GFRA1: variants seen among roughly 807,000 people sequenced by gnomAD.
GFRA1 encodes GDNF family receptor alpha-1.
Under a neutral mutation model 51.6 loss-of-function variants are expected in GFRA1, and 16 were observed. That is an observed-to-expected ratio of 0.31 (90% CI 0.21 to 0.47). The LOEUF is 0.47. Ranked by LOEUF, GFRA1 falls within the 20% of genes least tolerant of loss-of-function variation. GFRA1 has a pLI of 1.00. For synonymous variants in GFRA1, 270 were observed against 241.3 expected (o/e 1.12, Z -1.10); for missense variants, 530 against 594.3 (o/e 0.89, Z 1.13).
intron 6 of GFRA1, among the ~76,000 whole-genome samples, chr10:116,098,356 A>G (rs1178713281): frequency 6.6e-6 from 1 of 152,230 alleles, no homozygotes; most frequent in Non-Finnish European, 1.5e-5. Context: ...AATTGAACAC[A>G]CTGAAAGATA....
intron 6 of GFRA1, among the ~76,000 whole-genome samples, chr10:116,120,895 G>A (rs1316349278): frequency 6.6e-6 from 1 of 152,146 alleles, no homozygotes; most frequent in African/African-American, 2.4e-5. Flanking sequence ...TCTCAACAGC[G>A]ACCCCATGTG....
chr10:116,064,314 G>C lies in GFRA1; in HGVS notation c.*84C>G, dbSNP rs1422048147. 1.6e-6 allele frequency: 2 copies of C among 1,247,788 alleles called. No homozygotes were observed. Among genetic ancestry groups the C allele is most frequent in the Non-Finnish European group, 2.3e-6 (2 of 863,640 alleles). The allele number at this position is 1,247,788 out of a possible 1,614,324, so 77.3% of individuals were successfully genotyped here. On this transcript the variant is annotated 3_prime_UTR_variant, in exon 11 of 11. Coordinates refer to ENST00000355422, the MANE Select transcript of GFRA1 (RefSeq NM_005264.8). ...GTTTCTCAACTGAGCTCCTAAACTGGAATTTCAGCTATACAAGAGAACAGG... is the reference window on the plus strand; with the variant it reads ...GTTTCTCAACTGAGCTCCTAAACTGCAATTTCAGCTATACAAGAGAACAGG...
At chr10:116,069,926 G>A (rs973301186) in intron 9 of GFRA1, among the ~76,000 whole-genome samples, 4 of 152,148 alleles carry the variant, frequency 2.6e-5, no homozygotes, top group Non-Finnish European at 4.4e-5. Flanking sequence ...GCACTCGCCC[G>A]GAGCCTGGCC....
chr10:116,196,735 TACTATATATAA>T (rs1963891943), intron 5 of GFRA1, among the ~76,000 whole-genome samples: 1 of 100,054 alleles, frequency 1.0e-5, no homozygotes, highest in South Asian at 3.0e-4. Context: ...TAATATATAA[TACTATATATAA>T]TATATATTAT....
At chr10:116,167,250 A>G (rs1341921469) in intron 5 of GFRA1, among the ~76,000 whole-genome samples, 1 of 152,118 alleles carries the variant, frequency 6.6e-6, no homozygotes, top group Non-Finnish European at 1.5e-5. Context: ...CCAAATGAAT[A>G]CTTCCCAGGA....
chr10:116,077,756 A>C (rs562545645), intron 9 of GFRA1, among the ~76,000 whole-genome samples: 1 of 152,352 alleles, frequency 6.6e-6, no homozygotes, highest in East Asian at 1.9e-4. Context: ...GCAATATGAT[A>C]ACAGCTGCTT....
intron 5 of GFRA1, among the ~76,000 whole-genome samples, chr10:116,163,403 A>G (rs1249892593): frequency 6.6e-6 from 1 of 152,206 alleles, no homozygotes; most frequent in Non-Finnish European, 1.5e-5. Flanking sequence ...CCCATTGAAT[A>G]TGTTGTTGGG....
intron 9 of GFRA1, among the ~76,000 whole-genome samples, chr10:116,070,118 C>T (rs2133789930): frequency 6.6e-6 from 1 of 152,326 alleles, no homozygotes; most frequent in East Asian, 1.9e-4. Context: ...TAGCAACAGA[C>T]TGTCCAGTCT....
At chr10:116,224,110 G>A (rs558930177) in intron 4 of GFRA1, among the ~76,000 whole-genome samples, 2 of 152,132 alleles carry the variant, frequency 1.3e-5, no homozygotes, top group African/African-American at 2.4e-5. Context: ...ATAAGTCTCT[G>A]TTCTTTGTAA....
At chr10:116,101,618 T>C (rs547561732) in intron 6 of GFRA1, among the ~76,000 whole-genome samples, 1 of 152,330 alleles carries the variant, frequency 6.6e-6, no homozygotes, top group Admixed American at 6.5e-5. Flanking sequence ...GAGAAAATTA[T>C]TTACCTACTT....
At chr10:116,237,993 G>A (rs1212747228) in intron 4 of GFRA1, among the ~76,000 whole-genome samples, 1 of 152,172 alleles carries the variant, frequency 6.6e-6, no homozygotes, top group Non-Finnish European at 1.5e-5. Context: ...TTGGGGGCTT[G>A]CAGCACAGCT....
At chr10:116,225,535 A>T (rs1267364306) in intron 4 of GFRA1, among the ~76,000 whole-genome samples, 1 of 922 alleles carries the variant, frequency 1.1e-3, no homozygotes, top group East Asian at 0.038. Flanking sequence ...GTCTGTCTCC[A>T]AAAAAAAAAA....
intron 9 of GFRA1, 59 bp from the exon 10 acceptor site, chr10:116,065,685 A>T (rs375592850): frequency 1.9e-5 from 25 of 1,326,012 alleles, no homozygotes; most frequent in Non-Finnish European, 2.3e-5. Context: ...ATTACTGATG[A>T]TCCATCAGTC....
intron 9 of GFRA1, among the ~76,000 whole-genome samples, chr10:116,078,818 T>C (rs1955728040): frequency 6.6e-6 from 1 of 152,026 alleles, no homozygotes; most frequent in African/African-American, 2.4e-5. Context: ...CCCAAGACCA[T>C]TCTCTTAGAT....
chr10:116,152,452 T>G (rs959926143), intron 5 of GFRA1, among the ~76,000 whole-genome samples: 3 of 152,054 alleles, frequency 2.0e-5, no homozygotes, highest in Non-Finnish European at 4.4e-5. Flanking sequence ...GAGCAGGTGG[T>G]GTCACATGGT....
At chr10:116,077,224 TAGG>T (rs1375360097) in intron 9 of GFRA1, among the ~76,000 whole-genome samples, 1 of 152,188 alleles carries the variant, frequency 6.6e-6, no homozygotes, top group Non-Finnish European at 1.5e-5. Flanking sequence ...ATTCTAGCTA[TAGG>T]AGATTAGGGA....
chr10:116,068,814 A>G (rs1955235742), intron 9 of GFRA1, among the ~76,000 whole-genome samples: 1 of 151,684 alleles, frequency 6.6e-6, no homozygotes, highest in Non-Finnish European at 1.5e-5. Flanking sequence ...CAAACAGATA[A>G]AATTGCAGGG....
intron 5 of GFRA1, among the ~76,000 whole-genome samples, chr10:116,192,044 A>T (rs1963315132): frequency 6.6e-6 from 1 of 152,166 alleles, no homozygotes; most frequent in African/African-American, 2.4e-5. Context: ...AAAATAAAAT[A>T]AAAAGGTTAG....
chr10:116,120,154 G>A (rs966249737), intron 6 of GFRA1, among the ~76,000 whole-genome samples: 12 of 152,320 alleles, frequency 7.9e-5, no homozygotes, highest in African/African-American at 2.9e-4. Context: ...AAGAACAAGT[G>A]TATCATATCT....
Sources: gnomAD v4.1 joint callset for allele counts (sites outside exome capture counted in the v4.1 genomes callset) on GRCh38, gnomAD v4.1.1 for gene constraint, MANE v1.5 for transcripts, NCBI Gene and HGNC (gene_info 2026-07-23, HGNC 2026-07-21) for gene names.